The following RRBP1 variants were observed in gnomAD, a reference collection of about 807,000 sequenced individuals.
RRBP1 encodes the protein ribosome binding protein 1.
Under a neutral mutation model 165.2 loss-of-function variants are expected in RRBP1, and 94 were observed. That is an observed-to-expected ratio of 0.57 (90% CI 0.48 to 0.68). The LOEUF is 0.68. Ranked by LOEUF, RRBP1 falls within the 30% of genes least tolerant of loss-of-function variation. The pLI is 0.00. For missense variants in RRBP1, 1,676 were observed against 1,763.0 expected (o/e 0.95, Z 0.88); for synonymous variants, 680 against 714.5 (o/e 0.95, Z 0.77).
At chr20:17,614,643 AC>A (rs2035756600) in intron 24 of RRBP1, 93 bp downstream of exon 24, 7 of 1,498,500 alleles carry the variant, frequency 4.7e-6, no homozygotes, top group African/African-American at 1.4e-5. Flanking sequence ...CAGCAGCTTG[AC>A]GACTCCGCCC....
At chr20:17,649,170 A>G (rs1335784520) in intron 3 of RRBP1, among the ~76,000 whole-genome samples, 1 of 152,256 alleles carries the variant, frequency 6.6e-6, no homozygotes, top group Non-Finnish European at 1.5e-5. Flanking sequence ...CATAAGCCCC[A>G]GAGAGTTTTC....
chr20:17,645,375 A>G (rs1403587175), intron 3 of RRBP1, among the ~76,000 whole-genome samples: 1 of 152,256 alleles, frequency 6.6e-6, no homozygotes, highest in African/African-American at 2.4e-5. Context: ...TAACAGAAAA[A>G]TAAAAACTTG....
Position 17,624,634 on chromosome 20 carries a change from G to C in RRBP1, c.3089C>G (p.Ala1030Gly). The change falls in exon 13 of 25, where the codon GCA becomes GGA. Residue 1030 changes from alanine to glycine, a missense_variant. By Grantham distance (60) the Ala-to-Gly change is moderately conservative. Around this residue, in one of 5 missense-constraint regions of RRBP1, gnomAD observed 1,184 missense variants for 1,167.1 expected, o/e 1.01. Coordinates refer to ENST00000377813, the MANE Select transcript of RRBP1 (RefSeq NM_001365613.2). Reference protein sequence around the residue: ...LREKNWKAMEALATAEQACKE... With the variant: ...LREKNWKAMEGLATAEQACKE... ...GCAGGCCTGCTCGGCCGTGGCCAGTGCCTCCATGGCCTTCCAGTTCTTCTC... is the reference window on the plus strand; with the variant it reads ...GCAGGCCTGCTCGGCCGTGGCCAGTCCCTCCATGGCCTTCCAGTTCTTCTC... 1 of 1,589,294 alleles carries C rather than the reference G, an allele frequency of 6.3e-7. No individual in the cohort carries two copies. The highest frequency in any genetic ancestry group is 8.6e-7 in the Non-Finnish European group (1 of 1,168,508).
rs779506940 is a variant in RRBP1, at chr20:17,659,943, C to T, written c.565G>A (p.Gly189Ser). 13 of 1,589,198 alleles carry T rather than the reference C, an allele frequency of 8.2e-6. No homozygotes were observed. The African/African-American group carries it at 1.3e-4, about 16-fold the overall frequency. Residue 189 changes from glycine (G) to serine (S), a missense_variant, in exon 3 of 25, where the codon GGC becomes AGC. Gly to Ser is a moderately conservative substitution (Grantham distance 56, BLOSUM62 0). Coordinates refer to ENST00000377813, the MANE Select transcript of RRBP1 (RefSeq NM_001365613.2). ...GTAGTGCCAGTGGCTGGTGTGTTGCCCTTGGCACCCACTGGGGGCACCACC... is the reference window on the plus strand; with the variant it reads ...GTAGTGCCAGTGGCTGGTGTGTTGCTCTTGGCACCCACTGGGGGCACCACC... Reference protein sequence around the residue: ...MVVVPPVGAKGNTPATGTTQG... With the variant: ...MVVVPPVGAKSNTPATGTTQG...
At chr20:17,649,455 G>A (rs1017018827) in intron 3 of RRBP1, among the ~76,000 whole-genome samples, 26 of 152,170 alleles carry the variant, frequency 1.7e-4, no homozygotes, top group African/African-American at 4.1e-4. Context: ...AGGGATAAAG[G>A]CATGGAAACC....
intron 13 of RRBP1, 127 bp downstream of exon 13, chr20:17,624,449 A>C: frequency 1.5e-6 from 1 of 679,184 alleles, no homozygotes; most frequent in South Asian, 1.7e-5. Context: ...GTGCCTCTGT[A>C]TGTCTGTCCT....
chr20:17,659,064 C>G lies in RRBP1; in HGVS notation c.1444G>C (p.Ala482Pro), dbSNP rs1386891106. 1 of 1,545,906 alleles carries G rather than the reference C, an allele frequency of 6.5e-7. No homozygotes were observed. The highest frequency in any genetic ancestry group is 1.4e-5 in the African/African-American group (1 of 71,514). Residue 482 changes from alanine (A) to proline (P), a missense_variant, in exon 3 of 25, where the codon GCT (alanine) becomes CCT (proline). Physicochemically the swap from Ala to Pro is conservative, Grantham distance 27 (BLOSUM62 -1). Around this residue, in one of 5 missense-constraint regions of RRBP1, gnomAD observed 18 missense variants for 38.8 expected, o/e 0.46. Transcript: ENST00000377813. ...TTGCCCTGGTTCTGGGCCCCCTCAG[C>G]CTTCTTGCCCTGGTTCTGGGCCCCT... Reference protein sequence around the residue: ...VEGAQNQGKKAEGAQNQGKKA... With the variant: ...VEGAQNQGKKPEGAQNQGKKA...
chr20:17,671,329 T>C (rs2036974507), intron 2 of RRBP1, among the ~76,000 whole-genome samples: 1 of 152,246 alleles, frequency 6.6e-6, no homozygotes, highest in Non-Finnish European at 1.5e-5. Context: ...TGCATTTAGT[T>C]GTTCCTAACT....
chr20:17,635,472 TG>T, intron 7 of RRBP1, 73 bp downstream of exon 7: 1 of 1,130,302 alleles, frequency 8.8e-7, no homozygotes, highest in Non-Finnish European at 1.3e-6. Flanking sequence ...CCAGCTGCCC[TG>T]GCCGCAGCCT....
intron 2 of RRBP1, among the ~76,000 whole-genome samples, chr20:17,661,404 C>T (rs568576162): frequency 3.0e-4 from 45 of 152,302 alleles, no homozygotes; most frequent in Middle Eastern, 3.4e-3. Context: ...AGAAGCTGCA[C>T]AGAGGGTGAG....
At chr20:17,625,348 T>C (rs920098074) in intron 12 of RRBP1, among the ~76,000 whole-genome samples, 164 bp downstream of exon 12, 3 of 151,562 alleles carry the variant, frequency 2.0e-5, no homozygotes, top group South Asian at 2.1e-4. Context: ...CAGGGGTGAG[T>C]AGAAGCACCC....
At chr20:17,616,972 T>TA in intron 20 of RRBP1, 133 bp from the exon 21 acceptor site, 2 of 778,400 alleles carry the variant, frequency 2.6e-6, no homozygotes, top group Non-Finnish European at 4.3e-6. Flanking sequence ...CCTGGCTTGG[T>TA]AACTGTGACC....
intron 2 of RRBP1, among the ~76,000 whole-genome samples, chr20:17,665,063 G>A (rs937016346): frequency 6.6e-6 from 1 of 151,870 alleles, no homozygotes; most frequent in African/African-American, 2.4e-5. Context: ...ATGCACTTTA[G>A]ATATTTATTT....
Position 17,643,558 on chromosome 20 carries a change from C to T in RRBP1, c.1913-431G>A, listed in dbSNP as rs554235176. Among the ~76,000 whole-genome samples, 1 of 152,260 alleles carries T rather than the reference C, an allele frequency of 6.6e-6. No homozygotes were observed. Among genetic ancestry groups the T allele is most frequent in the South Asian group, 2.1e-4 (1 of 4,816 alleles). On this transcript the variant is annotated intron_variant, in intron 3 of 24. Transcript: ENST00000377813. The surrounding 1 kb of genome is among the most constrained non-coding windows in gnomAD (Gnocchi z 4.3). ...ACTGGCTGTGACTGAGCCCCGTGGC[C>T]TTGTGGGACCTGACTGGGCAGCGAA...
chr20:17,632,163 T>A (rs1368949394), intron 8 of RRBP1, among the ~76,000 whole-genome samples: 1 of 152,202 alleles, frequency 6.6e-6, no homozygotes, highest in Non-Finnish European at 1.5e-5. Flanking sequence ...AAGGCCTCAC[T>A]GTCAATCACA....
chr20:17,657,978 C>T (rs982904330), intron 3 of RRBP1, among the ~76,000 whole-genome samples: 6 of 152,194 alleles, frequency 3.9e-5, no homozygotes, highest in Non-Finnish European at 5.9e-5. Context: ...GCTGACAGAA[C>T]GCAGCCAGAC....
At chr20:17,678,284 A>G (rs912582686) in intron 2 of RRBP1, among the ~76,000 whole-genome samples, 5 of 152,278 alleles carry the variant, frequency 3.3e-5, no homozygotes, top group Non-Finnish European at 4.4e-5. Context: ...CTTCCCTTAC[A>G]AGCCATCACT....
At chr20:17,631,074 T>C (rs1435343414) in intron 8 of RRBP1, among the ~76,000 whole-genome samples, 1 of 152,252 alleles carries the variant, frequency 6.6e-6, no homozygotes, top group African/African-American at 2.4e-5. Flanking sequence ...GGATGGGCAG[T>C]GCTTTCTGCA....
intron 23 of RRBP1, 134 bp from the exon 24 acceptor site, chr20:17,615,014 A>C: frequency 1.0e-6 from 1 of 999,176 alleles, no homozygotes; most frequent in Non-Finnish European, 1.5e-6. Flanking sequence ...GGTCACCCGG[A>C]GATAGGTGGT....
Sources: gnomAD v4.1 joint callset for allele counts (sites outside exome capture counted in the v4.1 genomes callset) on GRCh38, gnomAD v4.1.1 for gene constraint, gnomAD v4.1.1 regional missense constraint, Gnocchi (gnomAD v3.1) non-coding constraint, MANE v1.5 for transcripts, NCBI Gene and HGNC (gene_info 2026-07-23, HGNC 2026-07-21) for gene names.